GALNT18: variants seen among roughly 807,000 people sequenced by gnomAD.
GALNT18 encodes GalNAc-transferase 18.
Under a neutral mutation model 69.5 loss-of-function variants are expected in GALNT18, and 44 were observed. The observed-to-expected ratio is 0.63, with a 90% confidence interval of 0.50 to 0.81. GALNT18 has a LOEUF of 0.81. Among genes scored for constraint, GALNT18 ranks in the 40% least tolerant of loss-of-function variants. The pLI is 0.00. For synonymous variants in GALNT18, 364 were observed against 318.2 expected (o/e 1.14, Z -1.53); for missense variants, 715 against 810.0 (o/e 0.88, Z 1.42).
chr11:11,468,068 G>A (rs1402852177), intron 1 of GALNT18, among the ~76,000 whole-genome samples: 1 of 152,180 alleles, frequency 6.6e-6, no homozygotes, highest in Non-Finnish European at 1.5e-5. Flanking sequence ...AAATAACAAA[G>A]CAAGCCTTCC....
At chr11:11,610,402 C>A (rs1026915034) in intron 1 of GALNT18, among the ~76,000 whole-genome samples, 3 of 152,178 alleles carry the variant, frequency 2.0e-5, no homozygotes, top group Non-Finnish European at 4.4e-5. Flanking sequence ...ATCCCACAGG[C>A]CTGCTTATGC....
At position 11,614,964 on chromosome 11, in the gene GALNT18, C is replaced by T. The variant is rs1860010791; in HGVS notation, c.235+6395G>A. ...GTCCTTTGGCAAGGCTTTTCTTCTTCATAAAGCTGTGGTTCTGAACTAGTA... is the reference window on the plus strand; with the variant it reads ...GTCCTTTGGCAAGGCTTTTCTTCTTTATAAAGCTGTGGTTCTGAACTAGTA... On this transcript the variant is annotated intron_variant, in intron 1 of 10. Coordinates refer to ENST00000227756, the MANE Select transcript of GALNT18 (RefSeq NM_198516.3). This position sits in a 1 kb window ranked among gnomAD's most constrained non-coding sequence, Gnocchi z 5.6. 6.6e-6 allele frequency among the ~76,000 whole-genome samples: 1 copy of T among 152,200 alleles called. No homozygotes were observed. The highest frequency in any genetic ancestry group is 2.4e-5 in the African/African-American group (1 of 41,460).
intron 1 of GALNT18, among the ~76,000 whole-genome samples, chr11:11,599,483 A>G (rs115455292): frequency 0.012 from 1,846 of 152,030 alleles, 47 homozygotes; most frequent in African/African-American, 0.043. Flanking sequence ...CAAATTATTT[A>G]TATCTTTGAA....
rs567827737 is a variant in GALNT18 at position 11,275,178 on chromosome 11, C to G, written c.1678-3888G>C. Reference sequence around the variant, plus strand: ...TCCCACCAACAGTGTAAAAGTGTTCCTATTTCTCCACATCCTCTCTAGCAT... The same window carrying G: ...TCCCACCAACAGTGTAAAAGTGTTCGTATTTCTCCACATCCTCTCTAGCAT... On this transcript the variant is annotated intron_variant, in intron 10 of 10. Coordinates refer to ENST00000227756, the MANE Select transcript of GALNT18 (RefSeq NM_198516.3). Among the ~76,000 whole-genome samples, 287 of 152,348 alleles carry G rather than the reference C, an allele frequency of 1.9e-3. 3 individuals carry two copies. The highest frequency in any genetic ancestry group is 6.5e-3 in the African/African-American group (270 of 41,576).
chr11:11,307,415 A>G lies in GALNT18; in HGVS notation c.1513-14222T>C, dbSNP rs1590025775. On this transcript the variant is annotated intron_variant, in intron 9 of 10. Transcript: ENST00000227756. ...GATGCTAAATGCTTTATACATACTT[A>G]TTTAAATAACCCTGGGGAAGAGATG... Among the ~76,000 whole-genome samples, 6 of 152,340 alleles carry G rather than the reference A, an allele frequency of 3.9e-5. 1 individual carries two copies. The highest frequency in any genetic ancestry group is 3.9e-4 in the Admixed American group (6 of 15,300).
At position 11,448,868 on chromosome 11, in the gene GALNT18, C is replaced by T. The variant is rs1254205934; in HGVS notation, c.304G>A (p.Gly102Ser). 1 of 1,608,752 alleles carries T rather than the reference C, an allele frequency of 6.2e-7. No homozygotes were observed. Among genetic ancestry groups the T allele is most frequent in the East Asian group, 2.2e-5 (1 of 44,714 alleles). Residue 102 changes from glycine (G) to serine (S), a missense_variant, in exon 2 of 11, where the codon GGC becomes AGC. By Grantham distance (56) the Gly-to-Ser change is moderately conservative. Transcript: ENST00000227756. ...FTDSSLFAHWGQELSPEGRRV... is the reference protein window; with the variant it reads ...FTDSSLFAHWSQELSPEGRRV... Reference sequence around the variant, plus strand: ...CGGCCTTCGGGGCTGAGCTCCTGGCCCCAGTGTGCAAACAGAGAGGAGTCT... The same window carrying T: ...CGGCCTTCGGGGCTGAGCTCCTGGCTCCAGTGTGCAAACAGAGAGGAGTCT...
rs928757470 is a variant in GALNT18 at position 11,592,261 on chromosome 11, C to A, written c.235+29098G>T. Among the ~76,000 whole-genome samples, 15 of 152,120 alleles carry A rather than the reference C, an allele frequency of 9.9e-5. No individual in the cohort carries two copies. Among genetic ancestry groups the A allele is most frequent in the African/African-American group, 3.4e-4 (14 of 41,420 alleles). On this transcript the variant is annotated intron_variant, in intron 1 of 10. Transcript: ENST00000227756. The surrounding 1 kb of genome is among the most constrained non-coding windows in gnomAD (Gnocchi z 5.9). ...AGAGACAGAAAAGCTTTAATCAATGCCCGGAAGTGAAATGCTAAGAAATTA... is the reference window on the plus strand; with the variant it reads ...AGAGACAGAAAAGCTTTAATCAATGACCGGAAGTGAAATGCTAAGAAATTA...
At chr11:11,574,258 TG>T (rs1450418357) in intron 1 of GALNT18, among the ~76,000 whole-genome samples, 4 of 152,140 alleles carry the variant, frequency 2.6e-5, no homozygotes, top group Admixed American at 6.5e-5. Flanking sequence ...ACTTTATAGA[TG>T]GCACTGGAGA....
Position 11,448,994 on chromosome 11 carries a change from A to G in GALNT18, c.236-58T>C, listed in dbSNP as rs1030534863. ...AGAGTGCACCCCTGCATGTGCCATGACAATCCCTTTCCCTTCCTCACAAAC... is the reference window on the plus strand; with the variant it reads ...AGAGTGCACCCCTGCATGTGCCATGGCAATCCCTTTCCCTTCCTCACAAAC... On this transcript the variant is annotated intron_variant, in intron 1 of 10. Coordinates refer to ENST00000227756, the MANE Select transcript of GALNT18 (RefSeq NM_198516.3). The G allele has an allele frequency of 6.0e-6, 8 of 1,344,498 alleles. No homozygotes were observed. The Admixed American group carries it at 2.0e-4, about 34-fold the overall frequency. The allele number at this position is 1,344,498 out of a possible 1,614,324, so 83.3% of individuals were successfully genotyped here. A position where few individuals can be genotyped will look rare whatever the true frequency, so the allele number is the denominator to read the frequency against.
At chr11:11,363,516 A>G (rs1364128860) in intron 6 of GALNT18, among the ~76,000 whole-genome samples, 2 of 152,214 alleles carry the variant, frequency 1.3e-5, no homozygotes, top group African/African-American at 4.8e-5. Flanking sequence ...TCTGGGGAAT[A>G]AAATAAACAG....
rs1343966941 is a variant in GALNT18, at chr11:11,541,481, G to C, written c.235+79878C>G. On this transcript the variant is annotated intron_variant, in intron 1 of 10. Transcript: ENST00000227756. The surrounding 1 kb of genome is among the most constrained non-coding windows in gnomAD (Gnocchi z 4.8). The stretch of plus-strand genomic sequence containing the variant: ...ACCTGTAGTTGGGGTGATCTTTCTA[G>C]ACCACAAACCTCGTCATGCCACTTT... Among the ~76,000 whole-genome samples, 2 of 152,084 alleles carry C rather than the reference G, an allele frequency of 1.3e-5. No homozygotes were observed. Among genetic ancestry groups the C allele is most frequent in the Non-Finnish European group, 2.9e-5 (2 of 68,020 alleles).
chr11:11,487,603 C>T (rs1053738074), intron 1 of GALNT18, among the ~76,000 whole-genome samples: 6 of 152,160 alleles, frequency 3.9e-5, no homozygotes, highest in East Asian at 1.9e-4. Context: ...TCCTCTCATT[C>T]GAGTCCCTGC....
chr11:11,295,401 C>A (rs887820296), intron 9 of GALNT18, among the ~76,000 whole-genome samples: 1 of 152,116 alleles, frequency 6.6e-6, no homozygotes, highest in Admixed American at 6.5e-5. Context: ...AGTTAGTACC[C>A]CTACGCCCAG....
At chr11:11,296,343 T>A (rs762696864) in intron 9 of GALNT18, among the ~76,000 whole-genome samples, 33 of 152,200 alleles carry the variant, frequency 2.2e-4, no homozygotes, top group Non-Finnish European at 4.3e-4. Flanking sequence ...AATATTCAAC[T>A]GTGTGGAGCC....
In GALNT18 at chr11:11,564,614, C is replaced by A. The variant is rs971617780; in HGVS notation, c.235+56745G>T. Among the ~76,000 whole-genome samples, 1 of 152,180 alleles carries A rather than the reference C, an allele frequency of 6.6e-6. No homozygotes were observed. Among genetic ancestry groups the A allele is most frequent in the Admixed American group, 6.5e-5 (1 of 15,282 alleles). On this transcript the variant is annotated intron_variant, in intron 1 of 10. Coordinates refer to ENST00000227756, the MANE Select transcript of GALNT18 (RefSeq NM_198516.3). This position sits in a 1 kb window ranked among gnomAD's most constrained non-coding sequence, Gnocchi z 4.3. ...GTGGCAATGCAGGCAGCCCCCAATT[C>A]CAGAACAAATTGGTAGCTAATGATG...
chr11:11,317,561 C>T (rs1178314926), intron 9 of GALNT18, among the ~76,000 whole-genome samples: 1 of 152,080 alleles, frequency 6.6e-6, no homozygotes, highest in African/African-American at 2.4e-5. Flanking sequence ...TGTTCATGTC[C>T]TTTGCCCATT....
intron 10 of GALNT18, among the ~76,000 whole-genome samples, chr11:11,279,412 CCTATGACCCAACACTT>C (rs1849019848): frequency 6.6e-6 from 1 of 152,058 alleles, no homozygotes; most frequent in African/African-American, 2.4e-5. Flanking sequence ...CATATACAAC[CCTATGACCCAACACTT>C]CTATCAGAAA....
rs916032187 is a variant in GALNT18, at chr11:11,542,740, G to C, written c.235+78619C>G. 1.3e-5 allele frequency among the ~76,000 whole-genome samples: 2 copies of C among 152,228 alleles called. No individual in the cohort carries two copies. Among genetic ancestry groups the C allele is most frequent in the African/African-American group, 4.8e-5 (2 of 41,456 alleles). ...GTAAAGCAAATTTCAGTTTGCCTTT[G>C]AGTTCCTTTATAGTCTAAGAGCCCC... On this transcript the variant is annotated intron_variant, in intron 1 of 10. Transcript: ENST00000227756. This position sits in a 1 kb window ranked among gnomAD's most constrained non-coding sequence, Gnocchi z 4.3.
In GALNT18 at chr11:11,385,261, C is replaced by T. The variant is rs182050377; in HGVS notation, c.596-5997G>A. Among the ~76,000 whole-genome samples, 212 of 152,026 alleles carry T rather than the reference C, an allele frequency of 1.4e-3. 2 individuals carry two copies. The highest frequency in any genetic ancestry group is 4.9e-3 in the African/African-American group (204 of 41,466). ...GGGATCCACTCCCATGACTCAAACGCCTCCCATTAGGCCCCACCTCCACTA... is the reference window on the plus strand; with the variant it reads ...GGGATCCACTCCCATGACTCAAACGTCTCCCATTAGGCCCCACCTCCACTA... On this transcript the variant is annotated intron_variant, in intron 3 of 10. Transcript: ENST00000227756.
Sources: allele counts gnomAD v4.1 joint callset (sites outside exome capture counted in the v4.1 genomes callset), GRCh38; gene constraint gnomAD v4.1.1; non-coding constraint Gnocchi (gnomAD v3.1); transcripts MANE v1.5; gene names NCBI Gene and HGNC (gene_info 2026-07-23, HGNC 2026-07-21).